The following INO80D variants were observed in gnomAD, a reference collection of about 807,000 sequenced individuals.
INO80D encodes INO80 complex subunit D.
Under a neutral mutation model 87.6 loss-of-function variants are expected in INO80D, and 21 were observed. That is an observed-to-expected ratio of 0.24 (90% CI 0.17 to 0.35). The LOEUF is 0.35. INO80D is among the 10% of genes least tolerant of loss of function. INO80D has a pLI of 1.00. For synonymous variants in INO80D, 440 were observed against 491.0 expected (o/e 0.90, Z 1.37); for missense variants, 982 against 1,280.7 (o/e 0.77, Z 3.56).
rs527388653 is a variant in INO80D at position 206,074,225 on chromosome 2, T to A, written c.-123-10981A>T. ...AATATACACTGTTATTACCAAAAAA[T>A]GGAAATAACCATTACTGAGAACAGA... On this transcript the variant is annotated intron_variant, in intron 1 of 10. Coordinates refer to ENST00000403263, the MANE Select transcript of INO80D (RefSeq NM_017759.5). Among the ~76,000 whole-genome samples, 155 of 152,206 alleles carry A rather than the reference T, an allele frequency of 1.0e-3. 1 individual carries two copies. Among genetic ancestry groups the A allele is most frequent in the African/African-American group, 3.5e-3 (145 of 41,526 alleles).
intron 8 of INO80D, among the ~76,000 whole-genome samples, chr2:206,015,831 G>A (rs1688303282): frequency 6.6e-6 from 1 of 152,132 alleles, no homozygotes; most frequent in South Asian, 2.1e-4. Flanking sequence ...AGGTTGCAGT[G>A]AGCCAAGATC....
intron 5 of INO80D, chr2:206,040,808 G>A (rs146499109): frequency 1.2e-3 from 236 of 193,896 alleles, no homozygotes; most frequent in African/African-American, 5.1e-3. Context: ...TACAAAACGG[G>A]CAAGAACAAG....
chr2:206,034,024 A>G (rs1688832286), intron 5 of INO80D, among the ~76,000 whole-genome samples: 1 of 152,166 alleles, frequency 6.6e-6, no homozygotes, highest in Non-Finnish European at 1.5e-5. Context: ...ATTCCTGGAA[A>G]AATATAACCC....
At position 206,009,799 on chromosome 2, in the gene INO80D, G is replaced by A; in HGVS notation, c.1543-5C>T. Reference sequence around the variant, plus strand: ...ATCTCCTCTCAAGAAATTATCCTTTGGAATGAATAAATAGGCTTTTAAATT... The same window carrying A: ...ATCTCCTCTCAAGAAATTATCCTTTAGAATGAATAAATAGGCTTTTAAATT... On this transcript the variant is annotated splice_polypyrimidine_tract_variant and splice_region_variant and intron_variant, in intron 8 of 10. Coordinates refer to ENST00000403263, the MANE Select transcript of INO80D (RefSeq NM_017759.5). The A allele has an allele frequency of 6.2e-7, 1 of 1,600,288 alleles. No individual in the cohort carries two copies.
intron 4 of INO80D, among the ~76,000 whole-genome samples, chr2:206,055,370 T>C (rs957005657): frequency 2.0e-5 from 3 of 152,132 alleles, no homozygotes; most frequent in Non-Finnish European, 4.4e-5. Context: ...AAAAGAAAAA[T>C]AGACATGTGA....
chr2:206,006,776 G>A (rs1688037920), intron 10 of INO80D, among the ~76,000 whole-genome samples: 1 of 152,128 alleles, frequency 6.6e-6, no homozygotes, highest in Admixed American at 6.5e-5. Context: ...GCCAGGTGTG[G>A]TGGCTCATGC....
At chr2:206,066,740 G>A (rs1475005299) in intron 1 of INO80D, among the ~76,000 whole-genome samples, 1 of 151,568 alleles carries the variant, frequency 6.6e-6, no homozygotes, top group Non-Finnish European at 1.5e-5. Context: ...AGGAGGCAGT[G>A]GTTGCAGTGA....
intron 1 of INO80D, among the ~76,000 whole-genome samples, chr2:206,077,738 C>A (rs1039673784): frequency 1.3e-5 from 2 of 152,156 alleles, no homozygotes; most frequent in African/African-American, 4.8e-5. Flanking sequence ...CCTCAAAGTT[C>A]TTTTGTGCTA....
chr2:206,030,811 G>A (rs1042908778), intron 5 of INO80D, among the ~76,000 whole-genome samples: 6 of 152,168 alleles, frequency 3.9e-5, no homozygotes, highest in Admixed American at 3.9e-4. Context: ...AGTAACAGAG[G>A]TGTGCCATGA....
intron 1 of INO80D, among the ~76,000 whole-genome samples, chr2:206,076,732 T>C (rs1690126586): frequency 6.6e-6 from 1 of 152,220 alleles, no homozygotes; most frequent in Non-Finnish European, 1.5e-5. Flanking sequence ...CCCTGCTATA[T>C]TAGAAAGGTA....
At chr2:206,070,146 C>T (rs954678223) in intron 1 of INO80D, among the ~76,000 whole-genome samples, 1 of 152,044 alleles carries the variant, frequency 6.6e-6, no homozygotes, top group African/African-American at 2.4e-5. Flanking sequence ...TGCAGTGGCT[C>T]ACGCCTGTAA....
chr2:206,036,447 T>C (rs1042647862), intron 5 of INO80D, among the ~76,000 whole-genome samples: 6 of 152,062 alleles, frequency 3.9e-5, no homozygotes, highest in South Asian at 2.1e-4. Flanking sequence ...CTGGATGAGA[T>C]TGGAGACTAT....
chr2:206,017,988 C>G (rs1310164472), intron 7 of INO80D, among the ~76,000 whole-genome samples, 175 bp from the exon 8 acceptor site: 1 of 152,132 alleles, frequency 6.6e-6, no homozygotes, highest in African/African-American at 2.4e-5. Context: ...TAGAATTTAT[C>G]AGATGACAAC....
intron 1 of INO80D, among the ~76,000 whole-genome samples, chr2:206,069,966 G>A (rs985180418): frequency 1.3e-5 from 2 of 152,018 alleles, no homozygotes; most frequent in East Asian, 1.9e-4. Context: ...TATAAGCCAC[G>A]ATTTTTCTAT....
chr2:206,075,379 C>T (rs558392172), intron 1 of INO80D, among the ~76,000 whole-genome samples: 4 of 152,122 alleles, frequency 2.6e-5, no homozygotes, highest in African/African-American at 7.2e-5. Context: ...CTCTAATTGC[C>T]ATCTGTAATT....
At chr2:206,067,839 C>G (rs1027814249) in intron 1 of INO80D, among the ~76,000 whole-genome samples, 7 of 151,956 alleles carry the variant, frequency 4.6e-5, no homozygotes, top group African/African-American at 1.7e-4. Flanking sequence ...TTTTACAAAT[C>G]ATAGAAAGAA....
chr2:206,004,818 C>T lies in INO80D; in HGVS notation c.2634G>A (p.Val878=), dbSNP rs756025853. 2 of 1,614,014 alleles carry T rather than the reference C, an allele frequency of 1.2e-6. No homozygotes were observed. The highest frequency in any genetic ancestry group is 1.7e-6 in the Non-Finnish European group (2 of 1,179,882). ...TGGGGTTTACCACGCCTCCAAGTGG[C>T]ACCTCAAGTTGGGTTGGGAGCAAGT... The part of the protein sequence containing the change: ...AQHLLPTQLE[V]PLGGVVNPRT... The change falls in exon 11 of 11, where the codon GTG becomes GTA. Residue 878 remains valine, a synonymous_variant. Coordinates refer to ENST00000403263, the MANE Select transcript of INO80D (RefSeq NM_017759.5). The surrounding 1 kb of genome is among the most constrained non-coding windows in gnomAD (Gnocchi z 4.9).
At chr2:206,070,371 C>T (rs1689928970) in intron 1 of INO80D, among the ~76,000 whole-genome samples, 1 of 150,846 alleles carries the variant, frequency 6.6e-6, no homozygotes, top group Non-Finnish European at 1.5e-5. Flanking sequence ...CTACAGTGTG[C>T]CAAAACTGCA....
At position 206,063,184 on chromosome 2, in the gene INO80D, A is replaced by G. The variant is rs1689730836; in HGVS notation, c.-63T>C. Reference sequence around the variant, plus strand: ...AAATCTTCTGCACCATAGCAATGTTAAGAGAACCCCCAAGGATACCACAGT... The same window carrying G: ...AAATCTTCTGCACCATAGCAATGTTGAGAGAACCCCCAAGGATACCACAGT... On this transcript the variant is annotated 5_prime_UTR_variant, in exon 2 of 11. Coordinates refer to ENST00000403263, the MANE Select transcript of INO80D (RefSeq NM_017759.5). The G allele has an allele frequency of 1.6e-6, 1 of 625,126 alleles. No homozygotes were observed. Among genetic ancestry groups the G allele is most frequent in the Non-Finnish European group, 2.8e-6 (1 of 359,024 alleles). 38.7% of individuals were successfully genotyped at this position (625,126 alleles called of 1,614,324 possible).
Sources: allele counts gnomAD v4.1 joint callset (sites outside exome capture counted in the v4.1 genomes callset), GRCh38; gene constraint gnomAD v4.1.1; non-coding constraint Gnocchi (gnomAD v3.1); transcripts MANE v1.5; gene names NCBI Gene and HGNC (gene_info 2026-07-23, HGNC 2026-07-21).